The following GTF3C1 variants were observed in gnomAD, a reference collection of about 807,000 sequenced individuals.
The protein encoded by GTF3C1 is general transcription factor IIIC subunit 1, also known as general transcription factor 3C polypeptide 1.
A neutral mutation model predicts 226.7 loss-of-function variants in GTF3C1; 57 were observed. That is an observed-to-expected ratio of 0.25 (90% CI 0.20 to 0.31). GTF3C1 has a LOEUF of 0.31. Ranked by LOEUF, GTF3C1 falls within the 10% of genes least tolerant of loss-of-function variation. GTF3C1 has a pLI of 1.00. For synonymous variants in GTF3C1, 1,090 were observed against 1,084.8 expected, an observed-to-expected ratio of 1.00 and a Z score of -0.09; for missense variants, 2,217 against 2,776.1, an observed-to-expected ratio of 0.80 and a Z score of 4.53.
In GTF3C1 at chr16:27,538,786, G is replaced by A. The variant is rs372343663; in HGVS notation, c.432-430C>T. Among the ~76,000 whole-genome samples, 28 of 152,062 alleles carry A rather than the reference G, an allele frequency of 1.8e-4. No individual in the cohort carries two copies. The South Asian group carries it at 5.0e-3, about 27-fold the overall frequency. ...GGGGTGCTGCCCTTGCTGTTTCCTCGGCCTGGCTGCTTTTCATCCAGGTCT... is the reference window on the plus strand; with the variant it reads ...GGGGTGCTGCCCTTGCTGTTTCCTCAGCCTGGCTGCTTTTCATCCAGGTCT... On this transcript the variant is annotated intron_variant, in intron 2 of 36. Transcript: ENST00000356183.
intron 29 of GTF3C1, among the ~76,000 whole-genome samples, chr16:27,473,662 C>T (rs575371173): frequency 1.3e-4 from 20 of 152,316 alleles, no homozygotes; most frequent in South Asian, 4.1e-4. Flanking sequence ...ACAAGGGGAC[C>T]GGGGACCGGT....
At chr16:27,537,744 CAACTAAAA>C in intron 4 of GTF3C1, 32 bp downstream of exon 4, 1 of 1,491,582 alleles carries the variant, frequency 6.7e-7, no homozygotes, top group South Asian at 1.2e-5. Flanking sequence ...CACATGGCTG[CAACTAAAA>C]AACCTAATGT....
chr16:27,523,964 C>T (rs2088790434), intron 6 of GTF3C1, among the ~76,000 whole-genome samples: 1 of 152,196 alleles, frequency 6.6e-6, no homozygotes, highest in Admixed American at 6.5e-5. Flanking sequence ...GCACAAGGAG[C>T]CAAAACCACC....
chr16:27,485,482 T>G (rs1416100832), intron 24 of GTF3C1, among the ~76,000 whole-genome samples: 1 of 152,184 alleles, frequency 6.6e-6, no homozygotes, highest in African/African-American at 2.4e-5. Flanking sequence ...GGCAGATCAT[T>G]CCGGACATGA....
chr16:27,470,016 C>T lies in GTF3C1; in HGVS notation c.4814+92G>A. On this transcript the variant is annotated intron_variant, in intron 31 of 36. Transcript: ENST00000356183. This position sits in a 1 kb window ranked among gnomAD's most constrained non-coding sequence, Gnocchi z 4.9. Reference sequence around the variant, plus strand: ...TCATCTGCAACTCCCATCCCACAAGCTCCCAGAAGGCACTGCTGACCCCTG... The same window carrying T: ...TCATCTGCAACTCCCATCCCACAAGTTCCCAGAAGGCACTGCTGACCCCTG... 3.9e-6 allele frequency: 4 copies of T among 1,016,644 alleles called. No homozygotes were observed. The highest frequency in any genetic ancestry group is 1.5e-6 in the Non-Finnish European group (1 of 677,788). The allele number at this position is 1,016,644 out of a possible 1,614,324, so 63.0% of individuals were successfully genotyped here. A position where few individuals can be genotyped will look rare whatever the true frequency, so the allele number is the denominator to read the frequency against.
Position 27,470,543 on chromosome 16 carries a change from T to C in GTF3C1, c.4527-148A>G. ...CTAAAGCTCTCTGTCCCATCCCAGA[T>C]GAAGGTGCTGCATTCCCACCTAGCG... is the stretch of plus-strand genomic sequence containing the variant. On this transcript the variant is annotated intron_variant, in intron 30 of 36. Coordinates refer to ENST00000356183, the MANE Select transcript of GTF3C1 (RefSeq NM_001520.4). The surrounding 1 kb of genome is among the most constrained non-coding windows in gnomAD (Gnocchi z 4.9). 1.8e-5 allele frequency: 12 copies of C among 658,986 alleles called. No homozygotes were observed. Among genetic ancestry groups the C allele is most frequent in the Non-Finnish European group, 7.9e-6 (3 of 379,534 alleles). 40.8% of individuals were successfully genotyped at this position (658,986 alleles called of 1,614,324 possible).
intron 7 of GTF3C1, among the ~76,000 whole-genome samples, chr16:27,509,688 G>C (rs1001032011): frequency 6.6e-6 from 1 of 150,624 alleles, no homozygotes; most frequent in Admixed American, 6.6e-5. Flanking sequence ...AACTTGGGAG[G>C]CGGAGCTTGC....
In GTF3C1 at chr16:27,489,592, G is replaced by C; in HGVS notation, c.3293+10C>G. 1 of 1,599,342 alleles carries C rather than the reference G, an allele frequency of 6.3e-7. No individual in the cohort carries two copies. Among genetic ancestry groups the C allele is most frequent in the African/African-American group, 1.3e-5 (1 of 74,922 alleles). On this transcript the variant is annotated intron_variant, in intron 20 of 36. Coordinates refer to ENST00000356183, the MANE Select transcript of GTF3C1 (RefSeq NM_001520.4). ...AGTCCTGGCCGGCCGCGCTTGGGAC[G>C]GACACGCACGTGGTGTACTCCAGCA...
chr16:27,488,829 C>T (rs1487924848), intron 21 of GTF3C1, among the ~76,000 whole-genome samples, 194 bp from the exon 22 acceptor site: 2 of 152,228 alleles, frequency 1.3e-5, no homozygotes, highest in Non-Finnish European at 2.9e-5. Flanking sequence ...TCACCCAGAC[C>T]TTCTGATCCT....
At chr16:27,474,763 T>C (rs562451123) in intron 29 of GTF3C1, among the ~76,000 whole-genome samples, 1 of 152,254 alleles carries the variant, frequency 6.6e-6, no homozygotes, top group African/African-American at 2.4e-5. Context: ...GCACAGATAC[T>C]AGCCTTCCAC....
chr16:27,538,371 C>A lies in GTF3C1; in HGVS notation c.432-15G>T. ...TCTTCCCCCACCTGCAAATCGGAAA[C>A]AATCGCATGAAGAAATAAGTTTAAC... is the stretch of plus-strand genomic sequence containing the variant. On this transcript the variant is annotated splice_polypyrimidine_tract_variant and intron_variant, in intron 2 of 36. Coordinates refer to ENST00000356183, the MANE Select transcript of GTF3C1 (RefSeq NM_001520.4). 6.7e-7 allele frequency: 1 copy of A among 1,494,610 alleles called. No homozygotes were observed. Among genetic ancestry groups the A allele is most frequent in the African/African-American group, 1.4e-5 (1 of 70,786 alleles). The allele number at this position is 1,494,610 out of a possible 1,614,324, so 92.6% of individuals were successfully genotyped here. A position where few individuals can be genotyped will look rare whatever the true frequency, so the allele number is the denominator to read the frequency against.
chr16:27,537,567 G>A (rs1345351241), intron 4 of GTF3C1, among the ~76,000 whole-genome samples: 2 of 151,942 alleles, frequency 1.3e-5, no homozygotes, highest in Admixed American at 6.6e-5. Flanking sequence ...GCACCACCAC[G>A]CCCAGCTAAT....
At chr16:27,519,422 G>A (rs572401317) in intron 6 of GTF3C1, among the ~76,000 whole-genome samples, 8 of 152,314 alleles carry the variant, frequency 5.3e-5, no homozygotes, top group Admixed American at 1.3e-4. Flanking sequence ...GCCTGGAAGG[G>A]AGTCCAGATC....
rs1343677825 is a variant in GTF3C1 at position 27,478,525 on chromosome 16, T to C, written c.4203A>G (p.Arg1401=). 2 of 1,610,714 alleles carry C rather than the reference T, an allele frequency of 1.2e-6. No individual in the cohort carries two copies. The highest frequency in any genetic ancestry group is 1.7e-6 in the Non-Finnish European group (2 of 1,176,954). The change falls in exon 28 of 37, where the codon CGA becomes CGG. Residue 1401 remains arginine (R), a synonymous_variant. Coordinates refer to ENST00000356183, the MANE Select transcript of GTF3C1 (RefSeq NM_001520.4). ...CTTTTTCATCCCCAATTGCCAAAAC[T>C]CGGTACCTGCAAAAGAAACATAACA... The part of the protein sequence containing the change: ...DTLQELFARY[R]VLAIGDEKDQ...
intron 10 of GTF3C1, among the ~76,000 whole-genome samples, chr16:27,504,496 A>T (rs1271783321): frequency 6.6e-6 from 1 of 152,220 alleles, no homozygotes; most frequent in Non-Finnish European, 1.5e-5. Flanking sequence ...CTGCCATAGG[A>T]ACACTTCCAA....
At position 27,507,338 on chromosome 16, in the gene GTF3C1, G is replaced by A. The variant is rs781611998; in HGVS notation, c.1243-182C>T. On this transcript the variant is annotated intron_variant, in intron 8 of 36. Transcript: ENST00000356183. The surrounding 1 kb of genome is among the most constrained non-coding windows in gnomAD (Gnocchi z 4.9). ...GGCTCTTCCTCTCTGTAATCCCCCA[G>A]GTCTTCCTTCCACAGAGATCCTTCT... Among the ~76,000 whole-genome samples, 2 of 152,096 alleles carry A rather than the reference G, an allele frequency of 1.3e-5. No individual in the cohort carries two copies. Among genetic ancestry groups the A allele is most frequent in the Non-Finnish European group, 2.9e-5 (2 of 68,006 alleles).
intron 27 of GTF3C1, among the ~76,000 whole-genome samples, chr16:27,479,271 C>T (rs1270343252): frequency 6.6e-6 from 1 of 151,758 alleles, no homozygotes; most frequent in Non-Finnish European, 1.5e-5. Flanking sequence ...TATGAAAATC[C>T]CCAAAGAGTA....
Position 27,488,230 on chromosome 16 carries a change from T to G in GTF3C1, c.3697A>C (p.Lys1233Gln). The change falls in exon 23 of 37, where the codon AAA (lysine) becomes CAA (glutamine). Residue 1233 changes from lysine (K) to glutamine (Q), a missense_variant. Physicochemically the swap from Lys to Gln is moderately conservative, Grantham distance 53 (BLOSUM62 1). Coordinates refer to ENST00000356183, the MANE Select transcript of GTF3C1 (RefSeq NM_001520.4). ...ATGAAAATGATCACCACATAACCTT[T>G]CTTCTTTCTCTTGATCTTCTTCCCA... ...DPGKKIKRKK[K>Q]GEFPGEKSKR... 6.2e-7 allele frequency: 1 copy of G among 1,613,524 alleles called. No homozygotes were observed. The highest frequency in any genetic ancestry group is 8.5e-7 in the Non-Finnish European group (1 of 1,179,654).
At chr16:27,542,923 G>A (rs2089110026) in intron 2 of GTF3C1, among the ~76,000 whole-genome samples, 1 of 152,170 alleles carries the variant, frequency 6.6e-6, no homozygotes, top group African/African-American at 2.4e-5. Context: ...CCCAGCCTCA[G>A]GTATTCTGTT....
Sources: allele counts gnomAD v4.1 joint callset (sites outside exome capture counted in the v4.1 genomes callset), GRCh38; gene constraint gnomAD v4.1.1; non-coding constraint Gnocchi (gnomAD v3.1); transcripts MANE v1.5; gene names NCBI Gene and HGNC (gene_info 2026-07-23, HGNC 2026-07-21).